Variants in TMED3 observed in about 807,000 individuals in gnomAD.
The protein encoded by TMED3 is transmembrane p24 trafficking protein 3, also known as transmembrane emp24 domain-containing protein 3.
TMED3 carries 9 observed loss-of-function variants against 15.0 expected under a neutral mutation model. That is an observed-to-expected ratio of 0.60 (90% CI 0.36 to 1.04). The LOEUF (loss-of-function observed/expected upper bound fraction) is 1.04, where lower values mean the gene tolerates loss of function less well. Ranked by LOEUF, TMED3 falls within the 50% of genes least tolerant of loss-of-function variation. The pLI, the probability that TMED3 is intolerant of heterozygous loss-of-function variation, is 0.01. For synonymous variants in TMED3, 117 were observed against 121.4 expected (o/e 0.96, Z 0.24); for missense variants, 267 against 278.9 (o/e 0.96, Z 0.30).
At chr15:79,386,328 C>G (rs1893626007) in intron 2 of TMED3, among the ~76,000 whole-genome samples, 1 of 152,152 alleles carries the variant, frequency 6.6e-6, no homozygotes, top group African/African-American at 2.4e-5. Flanking sequence ...CTTGTATTCA[C>G]TCTCTGCAGG....
chr15:79,353,160 T>A (rs60944404), intron 2 of TMED3, among the ~76,000 whole-genome samples: 4 of 51,386 alleles, frequency 7.8e-5, no homozygotes, highest in South Asian at 1.0e-3. Flanking sequence ...AAAATATATA[T>A]AAATATATAT....
Position 79,322,553 on chromosome 15 carries a change from A to G in TMED3, c.*339A>G. ...AGTGCCCAGGCCTCTTGGGCAGCTT[A>G]GGGCCCTGCCTCTGTTTCATGATGC... is the stretch of plus-strand genomic sequence containing the variant. On this transcript the variant is annotated 3_prime_UTR_variant, in exon 3 of 3. Transcript: ENST00000299705. 8.9e-7 allele frequency: 1 copy of G among 1,117,726 alleles called. No homozygotes were observed. Among genetic ancestry groups the G allele is most frequent in the Non-Finnish European group, 1.1e-6 (1 of 913,514 alleles). 69.2% of individuals were successfully genotyped at this position (1,117,726 alleles called of 1,614,324 possible).
intron 2 of TMED3, among the ~76,000 whole-genome samples, chr15:79,387,351 A>G (rs191811228): frequency 7.9e-5 from 12 of 152,332 alleles, no homozygotes; most frequent in Middle Eastern, 3.4e-3. Context: ...CATGAATCAA[A>G]TATCTACATA....
At chr15:79,372,196 T>C (rs1333453238) in intron 2 of TMED3, among the ~76,000 whole-genome samples, 1 of 152,154 alleles carries the variant, frequency 6.6e-6, no homozygotes, top group East Asian at 1.9e-4. Context: ...GTAAAGTAAG[T>C]AGAAGGCTTA....
At chr15:79,334,970 G>C (rs1595891540) in intron 2 of TMED3, among the ~76,000 whole-genome samples, 1 of 152,296 alleles carries the variant, frequency 6.6e-6, no homozygotes, top group East Asian at 1.9e-4. Flanking sequence ...AACAGGCACT[G>C]CACTGCTGAA....
chr15:79,401,109 T>A (rs749644372), intron 2 of TMED3, among the ~76,000 whole-genome samples: 4 of 152,188 alleles, frequency 2.6e-5, no homozygotes, highest in Non-Finnish European at 4.4e-5. Flanking sequence ...CGCCTTAGGA[T>A]TTTTATTTCC....
At chr15:79,339,389 G>A (rs1423445751) in intron 2 of TMED3, among the ~76,000 whole-genome samples, 1 of 152,166 alleles carries the variant, frequency 6.6e-6, no homozygotes, top group African/African-American at 2.4e-5. Flanking sequence ...TTTCTTTTAT[G>A]TCTTTGTCTT....
At chr15:79,363,893 A>C (rs1021515357) in intron 2 of TMED3, among the ~76,000 whole-genome samples, 1 of 152,176 alleles carries the variant, frequency 6.6e-6, no homozygotes, top group Non-Finnish European at 1.5e-5. Flanking sequence ...CGGGAGGCTC[A>C]TGCTTAAGAT....
exon 3 of TMED3, chr15:79,411,438 G>C (rs951475757): frequency 1.4e-6 from 1 of 702,536 alleles, no homozygotes; most frequent in South Asian, 1.5e-5. Flanking sequence ...TGGACAAGAT[G>C]GTCGACTATA....
chr15:79,344,087 C>T (rs1488327281), intron 2 of TMED3, among the ~76,000 whole-genome samples: 1 of 152,096 alleles, frequency 6.6e-6, no homozygotes, highest in Non-Finnish European at 1.5e-5. Flanking sequence ...GACAGAAAAG[C>T]AGGTCTAGAT....
chr15:79,336,821 C>A (rs1018031484), intron 2 of TMED3, among the ~76,000 whole-genome samples: 1 of 152,164 alleles, frequency 6.6e-6, no homozygotes, highest in East Asian at 1.9e-4. Flanking sequence ...TAGAGTTGAT[C>A]GATTGACTTA....
At chr15:79,350,274 A>G (rs1466752290) in intron 2 of TMED3, among the ~76,000 whole-genome samples, 2 of 152,218 alleles carry the variant, frequency 1.3e-5, no homozygotes, top group African/African-American at 4.8e-5. Context: ...ATATGTATAT[A>G]TGAAAGCGAG....
rs2141250269 is a variant in TMED3, at chr15:79,382,823, T to C, written c.418-28577T>C. The C allele has an allele frequency of 5.4e-6, 4 of 734,136 alleles. No individual in the cohort carries two copies. In the South Asian group the frequency reaches 7.3e-5, roughly 13 times the overall value. 45.5% of individuals were successfully genotyped at this position (734,136 alleles called of 1,614,324 possible). A position where few individuals can be genotyped will look rare whatever the true frequency, so the allele number is the denominator to read the frequency against. ...AGATCATCTACTTGTGAAGTAGTGTTTTCAGATATAGGTGCAGGGAAGCTT... is the reference window on the plus strand; with the variant it reads ...AGATCATCTACTTGTGAAGTAGTGTCTTCAGATATAGGTGCAGGGAAGCTT... On this transcript the variant is annotated intron_variant, in intron 2 of 2. Transcript: ENST00000424155.
At chr15:79,413,186 A>G (rs1894016661) in exon 3 of TMED3, 1 of 152,214 alleles carries the variant, frequency 6.6e-6, no homozygotes, top group Non-Finnish European at 1.5e-5. Context: ...AAATGACCAC[A>G]CTAGCTCTCC....
intron 2 of TMED3, among the ~76,000 whole-genome samples, chr15:79,385,319 C>T (rs559636056): frequency 6.6e-6 from 1 of 152,304 alleles, no homozygotes; most frequent in South Asian, 2.1e-4. Context: ...AGGTCCGCAC[C>T]TACCCCTAGG....
chr15:79,404,070 C>T (rs1417389581), intron 2 of TMED3, among the ~76,000 whole-genome samples: 1 of 152,198 alleles, frequency 6.6e-6, no homozygotes, highest in African/African-American at 2.4e-5. Flanking sequence ...TACATATTCA[C>T]ACACCTTCTT....
intron 2 of TMED3, among the ~76,000 whole-genome samples, chr15:79,332,451 T>C (rs1010293634): frequency 4.6e-5 from 7 of 152,182 alleles, no homozygotes; most frequent in African/African-American, 7.2e-5. Context: ...TAGAGGGCAA[T>C]TGGGGCACAT....
At chr15:79,323,184 A>T (rs1337545235), downstream of TMED3, among the ~76,000 whole-genome samples, 2 of 152,128 alleles carry the variant, frequency 1.3e-5, no homozygotes, top group African/African-American at 4.8e-5. Context: ...ACTCTTCAAG[A>T]TGGTACTGTC....
In TMED3 at chr15:79,321,995, G is replaced by T; in HGVS notation, c.435G>T (p.Val145=). Residue 145 remains valine, a synonymous_variant, in exon 3 of 3, where the codon GTG becomes GTT. Coordinates refer to ENST00000299705, the MANE Select transcript of TMED3 (RefSeq NM_007364.4). The part of the protein sequence containing the change: ...TALTQMESAC[V]TIHEALKTVI... The stretch of plus-strand genomic sequence containing the variant: ...CTGCCCAGATGGAGTCCGCCTGCGT[G>T]ACCATCCATGAGGCTCTGAAAACGG... 6.2e-7 allele frequency: 1 copy of T among 1,614,148 alleles called. No individual in the cohort carries two copies. Among genetic ancestry groups the T allele is most frequent in the South Asian group, 1.1e-5 (1 of 91,052 alleles).
Sources: gnomAD v4.1 joint callset for allele counts (sites outside exome capture counted in the v4.1 genomes callset) on GRCh38, gnomAD v4.1.1 for gene constraint, MANE v1.5 for transcripts, NCBI Gene and HGNC (gene_info 2026-07-23, HGNC 2026-07-21) for gene names.